The following SAMD5 variants were observed in gnomAD, a reference collection of about 807,000 sequenced individuals.
SAMD5 encodes sterile alpha motif domain-containing protein 5.
A neutral mutation model predicts 11.3 loss-of-function variants in SAMD5; 13 were observed. The ratio of observed to expected loss-of-function variants is 1.15; its 90% CI spans 0.75 to 1.83. SAMD5 has a LOEUF of 1.83. Ranked by LOEUF, SAMD5 falls within the 40% of genes most tolerant of loss-of-function variation. The probability of loss-of-function intolerance (pLI) is 0.00; values close to 1 mark genes in which losing one functional copy is unlikely to be tolerated. For synonymous variants in SAMD5, 129 were observed against 111.3 expected (o/e 1.16, Z -1.00); for missense variants, 255 against 239.1 (o/e 1.07, Z -0.44).
chr6:147,515,189 T>TTTTG (rs1788147320), intron 1 of SAMD5, among the ~76,000 whole-genome samples: 1 of 139,634 alleles, frequency 7.2e-6, no homozygotes, highest in Admixed American at 7.3e-5. Context: ...TTTTTTTTTT[T>TTTTG]TTTTTTTTTT....
the SAMD5 span, among the ~76,000 whole-genome samples, chr6:147,751,828 ATTC>A: frequency 6.6e-6 from 1 of 152,144 alleles, no homozygotes; most frequent in Non-Finnish European, 1.5e-5. Flanking sequence ...TTGTGGAAAT[ATTC>A]TTTTTTTTCA....
At chr6:147,792,128 A>G in the SAMD5 span, among the ~76,000 whole-genome samples, 2 of 152,206 alleles carry the variant, frequency 1.3e-5, no homozygotes, top group East Asian at 3.8e-4. Flanking sequence ...AAAGGAATTT[A>G]TTATAAATTT....
the SAMD5 span, chr6:147,953,545 AT>A: frequency 6.6e-6 from 1 of 152,214 alleles, no homozygotes. Context: ...ATTTGAAACT[AT>A]GCATTTCAAG....
chr6:147,605,768 C>T (rs533072386), intron 1 of SAMD5, among the ~76,000 whole-genome samples: 5 of 151,922 alleles, frequency 3.3e-5, no homozygotes, highest in Admixed American at 1.3e-4. Flanking sequence ...TGAGTTGAGC[C>T]GAAAGATAAA....
the SAMD5 span, among the ~76,000 whole-genome samples, chr6:147,788,009 C>G: frequency 6.6e-6 from 1 of 152,140 alleles, no homozygotes; most frequent in African/African-American, 2.4e-5. Flanking sequence ...TAAGGCTTTT[C>G]TTTTAATGTG....
chr6:147,799,183 G>C, the SAMD5 span, among the ~76,000 whole-genome samples: 1 of 151,728 alleles, frequency 6.6e-6, no homozygotes, highest in South Asian at 2.1e-4. Context: ...TTACATTTTG[G>C]CATGATTTTG....
At chr6:147,626,088 A>G (rs550766462) in intron 1 of SAMD5, among the ~76,000 whole-genome samples, 1 of 152,110 alleles carries the variant, frequency 6.6e-6, no homozygotes, top group Non-Finnish European at 1.5e-5. Flanking sequence ...TTTCTATTGT[A>G]TTTATTTGAC....
At chr6:147,848,417 T>C in the SAMD5 span, among the ~76,000 whole-genome samples, 1 of 152,202 alleles carries the variant, frequency 6.6e-6, no homozygotes, top group East Asian at 1.9e-4. Context: ...TTACTGTGCA[T>C]GGATTACACG....
chr6:147,774,227 G>T, the SAMD5 span, among the ~76,000 whole-genome samples: 2 of 152,118 alleles, frequency 1.3e-5, no homozygotes, highest in African/African-American at 4.8e-5. Flanking sequence ...CCACCTCCTT[G>T]TACTGTGGCC....
At chr6:147,847,880 C>G in the SAMD5 span, among the ~76,000 whole-genome samples, 1 of 151,944 alleles carries the variant, frequency 6.6e-6, no homozygotes, top group African/African-American at 2.4e-5. Flanking sequence ...AAAACAACAA[C>G]AAAGAATATT....
At chr6:147,806,971 AGTAAAAGAT>A in the SAMD5 span, among the ~76,000 whole-genome samples, 1 of 129,670 alleles carries the variant, frequency 7.7e-6, no homozygotes, top group African/African-American at 3.4e-5. Context: ...TCTGCAGGGG[AGTAAAAGAT>A]CTGCAGGGGA....
chr6:147,584,905 G>C (rs372164284), intron 1 of SAMD5, among the ~76,000 whole-genome samples: 1 of 152,176 alleles, frequency 6.6e-6, no homozygotes, highest in South Asian at 2.1e-4. Flanking sequence ...AAAATCTGTT[G>C]ATTTTGCAAA....
the SAMD5 span, among the ~76,000 whole-genome samples, chr6:147,893,459 A>G: frequency 6.6e-6 from 1 of 152,212 alleles, no homozygotes. Context: ...TTTAAAAACC[A>G]TAGTAAAACT....
At chr6:147,802,956 G>A in the SAMD5 span, among the ~76,000 whole-genome samples, 184 of 152,334 alleles carry the variant, frequency 1.2e-3, 1 homozygote, top group African/African-American at 4.3e-3. Context: ...TTGACTGGTT[G>A]TGTATCACAC....
intron 1 of SAMD5, among the ~76,000 whole-genome samples, chr6:147,542,743 G>T (rs990137729): frequency 3.2e-4 from 48 of 152,258 alleles, no homozygotes; most frequent in African/African-American, 1.1e-3. Flanking sequence ...TTAAAATTTT[G>T]TAGCCTCAAA....
intron 1 of SAMD5, among the ~76,000 whole-genome samples, chr6:147,533,094 C>T (rs1015642142): frequency 6.6e-6 from 1 of 152,074 alleles, no homozygotes; most frequent in Non-Finnish European, 1.5e-5. Context: ...AGGGGGCTGG[C>T]GGTGCCAGCA....
rs1384627353 is a variant in SAMD5, at chr6:147,564,744, T to G, written c.*288T>G. ...CAGTCTTATGCATTTCTTGGCATTC[T>G]CCCTTCCATTCTTAATGAAAACAGA... On this transcript the variant is annotated 3_prime_UTR_variant, in exon 2 of 2. Transcript: ENST00000367474. 1 of 1,056,696 alleles carries G rather than the reference T, an allele frequency of 9.5e-7. No individual in the cohort carries two copies. Among genetic ancestry groups the G allele is most frequent in the African/African-American group, 1.7e-5 (1 of 59,382 alleles). 65.5% of individuals were successfully genotyped at this position (1,056,696 alleles called of 1,614,324 possible). A position where few individuals can be genotyped will look rare whatever the true frequency, so the allele number is the denominator to read the frequency against.
At chr6:147,943,030 A>G in the SAMD5 span, among the ~76,000 whole-genome samples, 2 of 151,938 alleles carry the variant, frequency 1.3e-5, no homozygotes, top group African/African-American at 4.8e-5. Flanking sequence ...TATATTGGCC[A>G]GGCTGGTCTT....
chr6:147,942,963 G>A, the SAMD5 span, among the ~76,000 whole-genome samples: 7 of 151,818 alleles, frequency 4.6e-5, no homozygotes, highest in Admixed American at 2.0e-4. Flanking sequence ...ACAGGTGCAC[G>A]CCACCATGCC....
Sources: allele counts gnomAD v4.1 joint callset (sites outside exome capture counted in the v4.1 genomes callset), GRCh38; gene constraint gnomAD v4.1.1; transcripts MANE v1.5; gene names NCBI Gene and HGNC (gene_info 2026-07-23, HGNC 2026-07-21).